The following SMYD4 variants were observed in gnomAD, a reference collection of about 807,000 sequenced individuals.
SMYD4 encodes SET and MYND domain containing 4.
A neutral mutation model predicts 72.8 loss-of-function variants in SMYD4; 68 were observed. That is an observed-to-expected ratio of 0.93 (90% CI 0.77 to 1.14). The LOEUF is 1.14. Among genes scored for constraint, SMYD4 ranks in the 50% most tolerant of loss-of-function variants. The probability of loss-of-function intolerance (pLI) is 0.00; values close to 1 mark genes in which losing one functional copy is unlikely to be tolerated. For synonymous variants in SMYD4, 407 were observed against 388.6 expected (o/e 1.05, Z -0.56); for missense variants, 984 against 1,003.7 (o/e 0.98, Z 0.27).
intron 5 of SMYD4, among the ~76,000 whole-genome samples, chr17:1,792,167 A>C (rs985622172): frequency 4.0e-5 from 6 of 151,622 alleles, no homozygotes; most frequent in Middle Eastern, 3.2e-3. Flanking sequence ...CTCAGCCTCC[A>C]GAGTAGCTGG....
rs141204996 is a variant in SMYD4 at position 1,783,677 on chromosome 17, T to G, written c.2021-201A>C. On this transcript the variant is annotated intron_variant, in intron 8 of 10. Transcript: ENST00000305513. ...TTTCTCTGTCAGTGGAGAAAGGCGC[T>G]AGGGGAGGCCTCCCCACATTTACAC... is the stretch of plus-strand genomic sequence containing the variant. 3.0e-4 allele frequency: 261 copies of G among 878,338 alleles called. No individual in the cohort carries two copies. The African/African-American group carries it at 4.0e-3, about 14-fold the overall frequency. The allele number at this position is 878,338 out of a possible 1,614,324, so 54.4% of individuals were successfully genotyped here.
chr17:1,804,119 C>T (rs1019393227), intron 4 of SMYD4, among the ~76,000 whole-genome samples: 47 of 151,204 alleles, frequency 3.1e-4, no homozygotes, highest in Admixed American at 6.6e-4. Context: ...TCATGATCCG[C>T]CTGCCTCAGC....
chr17:1,781,354 G>C lies in SMYD4; in HGVS notation c.2347C>G (p.Gln783Glu). The C allele has an allele frequency of 6.2e-7, 1 of 1,614,050 alleles. No individual in the cohort carries two copies. Residue 783 changes from glutamine to glutamate, a missense_variant, in exon 11 of 11, where the codon CAG (glutamine) becomes GAG (glutamate). Transcript: ENST00000305513. ...LHCGPWDDEI[Q>E]ELQKMKSCLL... ...CAGGATTTCATCTTCTGGAGCTCCT[G>C]GATTTCATCGTCCCATGGGCCACAG...
chr17:1,819,155 G>A (rs760748237), intron 2 of SMYD4, among the ~76,000 whole-genome samples: 1 of 151,908 alleles, frequency 6.6e-6, no homozygotes, highest in Non-Finnish European at 1.5e-5. Flanking sequence ...TCAGGAGTTC[G>A]AGACCACCCT....
chr17:1,795,747 GTTTT>G (rs368038317), intron 5 of SMYD4, among the ~76,000 whole-genome samples: 3 of 128,466 alleles, frequency 2.3e-5, no homozygotes, highest in African/African-American at 9.5e-5. Context: ...TGGCCCGTGA[GTTTT>G]TTTTTTTTTT....
At chr17:1,794,043 AT>A (rs1567770790) in intron 5 of SMYD4, among the ~76,000 whole-genome samples, 2 of 71,126 alleles carry the variant, frequency 2.8e-5, no homozygotes, top group African/African-American at 1.3e-4. Flanking sequence ...ATATGTATGT[AT>A]ATATATATGT....
chr17:1,793,709 G>A (rs564978858), intron 5 of SMYD4, among the ~76,000 whole-genome samples: 2 of 152,026 alleles, frequency 1.3e-5, no homozygotes, highest in African/African-American at 4.8e-5. Context: ...AGAAACTGTG[G>A]TCATGTTTGC....
rs544820623 is a variant in SMYD4 at position 1,784,393 on chromosome 17, G to A, written c.1953C>T (p.Val651=). Residue 651 remains valine (V), a synonymous_variant, in exon 8 of 11, where the codon GTC becomes GTT. Coordinates refer to ENST00000305513, the MANE Select transcript of SMYD4 (RefSeq NM_052928.3). ...GCTGCTGTAGGTCCTGTAACCGAGA[G>A]ACCAGGTGGTCCCTGCTGACGGCGG... The part of the protein sequence containing the change: ...AESAVSRDHL[V]SRLQDLQQQV... The A allele has an allele frequency of 1.2e-6, 2 of 1,614,238 alleles. No individual in the cohort carries two copies. Among genetic ancestry groups the A allele is most frequent in the South Asian group, 1.1e-5 (1 of 91,090 alleles).
chr17:1,809,527 A>G (rs1272618020), intron 3 of SMYD4, among the ~76,000 whole-genome samples: 2 of 150,814 alleles, frequency 1.3e-5, no homozygotes, highest in Non-Finnish European at 2.9e-5. Flanking sequence ...GGCGCCCGCC[A>G]CCACGCCCAG....
At chr17:1,813,484 G>C (rs565141762) in intron 2 of SMYD4, among the ~76,000 whole-genome samples, 1 of 151,988 alleles carries the variant, frequency 6.6e-6, no homozygotes, top group African/African-American at 2.4e-5. Flanking sequence ...GCACTGGCAC[G>C]ATCTCGGCTC....
chr17:1,803,983 C>G (rs2151238074), intron 4 of SMYD4, among the ~76,000 whole-genome samples: 1 of 151,070 alleles, frequency 6.6e-6, no homozygotes, highest in Non-Finnish European at 1.5e-5. Context: ...TCAAGCAATA[C>G]TCCTGCCTCA....
intron 8 of SMYD4, chr17:1,783,905 A>C: frequency 3.5e-6 from 1 of 288,412 alleles, no homozygotes; most frequent in Non-Finnish European, 6.6e-6. Context: ...AGACACTCCT[A>C]TCAGCTGGGC....
chr17:1,802,917 G>T (rs1192135918), intron 4 of SMYD4, among the ~76,000 whole-genome samples: 1 of 152,210 alleles, frequency 6.6e-6, no homozygotes, highest in Non-Finnish European at 1.5e-5. Flanking sequence ...ACTTTGGGAG[G>T]CTGAGGCGGG....
At chr17:1,823,587 TTCTC>T (rs1911005049) in intron 2 of SMYD4, among the ~76,000 whole-genome samples, 1 of 152,110 alleles carries the variant, frequency 6.6e-6, no homozygotes, top group African/African-American at 2.4e-5. Flanking sequence ...CAAGTACCCT[TTCTC>T]TCTACTTCCG....
In SMYD4 at chr17:1,784,447, C is replaced by T. The variant is rs1201354653; in HGVS notation, c.1899G>A (p.Leu633=). 9.9e-6 allele frequency: 16 copies of T among 1,614,170 alleles called. No individual in the cohort carries two copies. The highest frequency in any genetic ancestry group is 1.3e-5 in the Non-Finnish European group (15 of 1,180,038). The part of the protein sequence containing the change: ...CGAPMQGDDV[L]RCGSRSCAES... The stretch of plus-strand genomic sequence containing the variant: ...CTGCACAAGATCTGCTGCCACAGCG[C>T]AGCACGTCATCTCCCTGTGGAAGTC... The change falls in exon 8 of 11, where the codon CTG becomes CTA. Residue 633 remains leucine, a synonymous_variant. Transcript: ENST00000305513.
At chr17:1,790,740 C>T (rs1346914145) in intron 5 of SMYD4, among the ~76,000 whole-genome samples, 1 of 152,024 alleles carries the variant, frequency 6.6e-6, no homozygotes, top group East Asian at 2.0e-4. Context: ...TAGTCTCGAA[C>T]TTCTGACCTC....
chr17:1,783,239 C>A, intron 9 of SMYD4, 81 bp from the exon 10 acceptor site: 1 of 1,611,860 alleles, frequency 6.2e-7, no homozygotes. Context: ...GGAAATGGAA[C>A]GAGAGGGGGA....
intron 8 of SMYD4, 71 bp downstream of exon 8, chr17:1,784,253 CCT>C: frequency 6.3e-7 from 1 of 1,598,976 alleles, no homozygotes; most frequent in Admixed American, 1.7e-5. Context: ...ACTGAGTATC[CCT>C]GAGTCCAAAA....
chr17:1,787,564 G>T lies in SMYD4; in HGVS notation c.1578C>A (p.Arg526=). 3.1e-6 allele frequency: 5 copies of T among 1,595,876 alleles called. No homozygotes were observed. The highest frequency in any genetic ancestry group is 4.3e-6 in the Non-Finnish European group (5 of 1,171,398). ...TAACAGGGAAGATGCCTGTGGCAAGGCGCACCTGCCTGCTGTCGGTAACGA... is the reference window on the plus strand; with the variant it reads ...TAACAGGGAAGATGCCTGTGGCAAGTCGCACCTGCCTGCTGTCGGTAACGA... ...GSIVTDSRQV[R]LATGIFPVIS... Residue 526 remains arginine (R), a synonymous_variant, in exon 6 of 11, where the codon CGC becomes CGA. Transcript: ENST00000305513.
Sources: allele counts gnomAD v4.1 joint callset (sites outside exome capture counted in the v4.1 genomes callset), GRCh38; gene constraint gnomAD v4.1.1; transcripts MANE v1.5; gene names NCBI Gene and HGNC (gene_info 2026-07-23, HGNC 2026-07-21).